Variants in FYB1 observed in about 807,000 individuals in gnomAD.
The protein encoded by FYB1 is FYN-binding protein 1.
FYB1 carries 41 observed loss-of-function variants against 94.1 expected under a neutral mutation model. The observed-to-expected ratio is 0.44, with a 90% CI of 0.34 to 0.57. The LOEUF (loss-of-function observed/expected upper bound fraction) is 0.57. FYB1 is among the 20% of genes least tolerant of loss of function. The probability of loss-of-function intolerance (pLI) is 0.02; values close to 1 mark genes in which losing one functional copy is unlikely to be tolerated. For missense variants in FYB1, 1,050 were observed against 976.8 expected, an observed-to-expected ratio of 1.07 and a Z score of -1.00; for synonymous variants, 367 against 353.2, an observed-to-expected ratio of 1.04 and a Z score of -0.44.
chr5:39,122,527 G>A (rs1374786870), intron 13 of FYB1, 125 bp from the exon 14 acceptor site: 9 of 566,894 alleles, frequency 1.6e-5, no homozygotes, highest in South Asian at 2.5e-5. Context: ...CTAGTGTCTC[G>A]GTAAATTTCT....
chr5:39,188,748 G>A (rs530126437), intron 2 of FYB1, among the ~76,000 whole-genome samples: 1 of 151,926 alleles, frequency 6.6e-6, no homozygotes, highest in South Asian at 2.1e-4. Context: ...GGCCAGGCTG[G>A]TCTCGAACTC....
chr5:39,240,932 A>G (rs183437607), intron 1 of FYB1, among the ~76,000 whole-genome samples: 4 of 152,356 alleles, frequency 2.6e-5, no homozygotes, highest in Admixed American at 6.5e-5. Flanking sequence ...AACACCATTC[A>G]GTGGTAGACT....
At chr5:39,131,465 G>A (rs1478025203) in intron 9 of FYB1, among the ~76,000 whole-genome samples, 1 of 152,152 alleles carries the variant, frequency 6.6e-6, no homozygotes, top group Non-Finnish European at 1.5e-5. Context: ...GTGTCTTAGA[G>A]GACAATTATA....
Position 39,183,319 on chromosome 5 carries a change from A to G in FYB1, c.1135+18507T>C, listed in dbSNP as rs1746434894. 2.0e-5 allele frequency among the ~76,000 whole-genome samples: 3 copies of G among 152,220 alleles called. No individual in the cohort carries two copies. The South Asian group carries it at 6.2e-4, about 32-fold the overall frequency. The stretch of plus-strand genomic sequence containing the variant: ...TTTTTTTAAGGTACGATTAAGCTCT[A>G]ATCCAGGACTGGTTGTATGCAAGTC... On this transcript the variant is annotated intron_variant, in intron 2 of 18. Transcript: ENST00000512982.
Position 39,270,586 on chromosome 5 carries a change from G to A in FYB1, c.-28+3817C>T. 4 of 1,535,144 alleles carry A rather than the reference G, an allele frequency of 2.6e-6. No individual in the cohort carries two copies. In the South Asian group the frequency reaches 4.8e-5, roughly 18 times the overall value. ...TTACTTACCATTTTTATTGAAAAGA[G>A]TTGATATGCCTGGCACACAATGACC... On this transcript the variant is annotated intron_variant, in intron 1 of 1. Transcript: ENST00000510188.
At chr5:39,248,457 GCA>G (rs1391016209) in intron 1 of FYB1, among the ~76,000 whole-genome samples, 1 of 152,194 alleles carries the variant, frequency 6.6e-6, no homozygotes, top group Non-Finnish European at 1.5e-5. Flanking sequence ...GGTGGTGCCA[GCA>G]CTTTGGGGGT....
At chr5:39,181,165 G>T (rs1350732901) in intron 2 of FYB1, among the ~76,000 whole-genome samples, 1 of 152,158 alleles carries the variant, frequency 6.6e-6, no homozygotes, top group Non-Finnish European at 1.5e-5. Flanking sequence ...TGATGTTGTG[G>T]GAAATATTAA....
chr5:39,231,789 T>G (rs1453587051), intron 1 of FYB1, among the ~76,000 whole-genome samples: 2 of 151,610 alleles, frequency 1.3e-5, no homozygotes, highest in Non-Finnish European at 2.9e-5. Context: ...CAGGGAAGTC[T>G]AAGTTCCCAC....
chr5:39,178,054 C>A (rs1016351195), intron 2 of FYB1, among the ~76,000 whole-genome samples: 3 of 152,176 alleles, frequency 2.0e-5, no homozygotes, highest in Non-Finnish European at 2.9e-5. Context: ...CCTGCATTGA[C>A]CTCATGCAGC....
chr5:39,234,234 T>C (rs1237068987), intron 1 of FYB1, among the ~76,000 whole-genome samples: 1 of 152,176 alleles, frequency 6.6e-6, no homozygotes. Context: ...TGTTTTTGTT[T>C]TTAATTGTAT....
intron 1 of FYB1, among the ~76,000 whole-genome samples, chr5:39,255,300 A>C (rs189861659): frequency 6.6e-6 from 1 of 152,224 alleles, no homozygotes; most frequent in East Asian, 1.9e-4. Flanking sequence ...CTTTTTAAAA[A>C]AATTTTAAGC....
intron 7 of FYB1, among the ~76,000 whole-genome samples, chr5:39,135,455 T>C (rs773223554): frequency 2.6e-5 from 4 of 152,252 alleles, no homozygotes; most frequent in Admixed American, 6.5e-5. Flanking sequence ...ATAAACAAGA[T>C]AACATTTCAG....
intron 1 of FYB1, among the ~76,000 whole-genome samples, chr5:39,244,830 T>C (rs969135245): frequency 1.3e-5 from 2 of 152,184 alleles, no homozygotes; most frequent in African/African-American, 4.8e-5. Context: ...CTGTTATTGG[T>C]GTATTCAGAG....
intron 1 of FYB1, among the ~76,000 whole-genome samples, chr5:39,214,491 G>T (rs573281801): frequency 6.6e-6 from 1 of 152,238 alleles, no homozygotes; most frequent in Non-Finnish European, 1.5e-5. Flanking sequence ...AGCAAACCAA[G>T]TGTCTGTTGA....
intron 17 of FYB1, 102 bp from the exon 18 acceptor site, chr5:39,108,364 A>G: frequency 9.3e-7 from 1 of 1,074,272 alleles, no homozygotes; most frequent in South Asian, 1.7e-5. Context: ...ATAAGACACA[A>G]TTAAGACTTT....
At chr5:39,258,877 T>C (rs1252460239) in intron 1 of FYB1, among the ~76,000 whole-genome samples, 1 of 152,168 alleles carries the variant, frequency 6.6e-6, no homozygotes. Context: ...GAAGACTGAA[T>C]AGGCGGCTGT....
rs746786698 is a variant in FYB1, at chr5:39,202,057, C to T, written c.904G>A (p.Glu302Lys). 9.3e-6 allele frequency: 15 copies of T among 1,614,042 alleles called. No homozygotes were observed. In the Admixed American group the frequency reaches 1.0e-4, roughly 11 times the overall value. The change falls in exon 2 of 19, where the codon GAA becomes AAA. Residue 302 changes from glutamate (E) to lysine (K), a missense_variant. Transcript: ENST00000512982. ...KNTFQSKINQ[E>K]ELASGTPPAR... ...GGAGGAGTCCCTGAGGCCAACTCTT[C>T]CTGATTTATTTTGCTCTGGAAGGTG...
chr5:39,184,354 G>A (rs2150435151), intron 2 of FYB1, among the ~76,000 whole-genome samples: 1 of 152,246 alleles, frequency 6.6e-6, no homozygotes, highest in South Asian at 2.1e-4. Flanking sequence ...CTATGAGGAG[G>A]TAGGTACACT....
chr5:39,148,154 TTTATATA>T (rs1195171253), intron 3 of FYB1, among the ~76,000 whole-genome samples: 5 of 41,924 alleles, frequency 1.2e-4, no homozygotes, highest in South Asian at 7.1e-4. Context: ...ATATGTATTT[TTTATATA>T]TATATATATA....
Sources: gnomAD v4.1 joint callset for allele counts (sites outside exome capture counted in the v4.1 genomes callset) on GRCh38, gnomAD v4.1.1 for gene constraint, MANE v1.5 for transcripts, NCBI Gene and HGNC (gene_info 2026-07-23, HGNC 2026-07-21) for gene names.